SPATA13: variants seen among roughly 807,000 people sequenced by gnomAD.
SPATA13 encodes spermatogenesis associated 13.
Under a neutral mutation model 104.0 loss-of-function variants are expected in SPATA13, and 50 were observed. The observed-to-expected ratio is 0.48, with a 90% CI of 0.38 to 0.61. The LOEUF (loss-of-function observed/expected upper bound fraction) is 0.61. SPATA13 is among the 20% of genes least tolerant of loss of function. SPATA13 has a pLI of 0.00. For synonymous variants in SPATA13, 606 were observed against 667.5 expected, an observed-to-expected ratio of 0.91 and a Z score of 1.42; for missense variants, 1,524 against 1,690.6, an observed-to-expected ratio of 0.90 and a Z score of 1.73.
At chr13:24,281,009 C>T (rs758414757) in intron 4 of SPATA13, among the ~76,000 whole-genome samples, 38 of 152,202 alleles carry the variant, frequency 2.5e-4, no homozygotes, top group Non-Finnish European at 4.3e-4. Flanking sequence ...ACACCCCCAG[C>T]CAGACAGACA....
chr13:24,222,945 G>A lies in SPATA13; in HGVS notation c.16G>A (p.Val6Met), dbSNP rs896391576. MTQAA[V>M]RPWAPCLENM... is the part of the protein sequence containing the mutation. ...GCCCGTGGCCATGACCCAGGCTGCC[G>A]TGCGGCCCTGGGCACCCTGCCTGGA... Residue 6 changes from valine (V) to methionine (M), a missense_variant, in exon 2 of 13, where the codon GTG (valine) becomes ATG (methionine). Transcript: ENST00000382108. The A allele has an allele frequency of 5.8e-6, 9 of 1,551,010 alleles. No individual in the cohort carries two copies. Among genetic ancestry groups the A allele is most frequent in the African/African-American group, 4.1e-5 (3 of 73,060 alleles).
rs1003998916 is a variant in SPATA13, at chr13:24,037,258, C to T, written c.-112+19557C>T. Among the ~76,000 whole-genome samples, 9 of 149,810 alleles carry T rather than the reference C, an allele frequency of 6.0e-5. No homozygotes were observed. The East Asian group carries it at 1.4e-3, about 23-fold the overall frequency. ...TAGGAGATATACCTAATGTAAATGA[C>T]GAGTTAATGGGTGCAGCACACCAAC... On this transcript the variant is annotated intron_variant, in intron 3 of 14. Transcript: ENST00000424834.
chr13:24,290,581 G>A, intron 8 of SPATA13, 71 bp from the exon 9 acceptor site: 1 of 1,149,076 alleles, frequency 8.7e-7, no homozygotes, highest in Non-Finnish European at 1.3e-6. Flanking sequence ...GAGAGGGCTG[G>A]GATGATGCCT....
At chr13:24,247,911 C>T (rs1395907745) in intron 2 of SPATA13, among the ~76,000 whole-genome samples, 1 of 151,774 alleles carries the variant, frequency 6.6e-6, no homozygotes, top group Non-Finnish European at 1.5e-5. Flanking sequence ...CTACCAGCCA[C>T]CATTTTGGTT....
intron 2 of SPATA13, among the ~76,000 whole-genome samples, chr13:23,986,648 T>C (rs1875159629): frequency 6.6e-6 from 1 of 152,202 alleles, no homozygotes; most frequent in Admixed American, 6.6e-5. Flanking sequence ...TTTAGAGGTG[T>C]GGATTTCTCA....
chr13:24,246,501 G>A (rs1873138932), intron 2 of SPATA13, among the ~76,000 whole-genome samples: 1 of 152,136 alleles, frequency 6.6e-6, no homozygotes, highest in East Asian at 1.9e-4. Flanking sequence ...CAAAAGAAAA[G>A]ACATGTTTAT....
intron 1 of SPATA13, among the ~76,000 whole-genome samples, chr13:24,214,854 T>A (rs893641213): frequency 1.3e-5 from 2 of 152,234 alleles, no homozygotes; most frequent in African/African-American, 4.8e-5. Context: ...TAGTGATTCT[T>A]TAGTTTTCCT....
At chr13:24,292,735 C>T (rs953444635) in intron 9 of SPATA13, among the ~76,000 whole-genome samples, 3 of 152,082 alleles carry the variant, frequency 2.0e-5, no homozygotes, top group East Asian at 1.9e-4. Flanking sequence ...CCATGGCTCA[C>T]GTCTGTAATC....
At chr13:24,092,884 G>A (rs1303339179) in intron 3 of SPATA13, among the ~76,000 whole-genome samples, 1 of 152,212 alleles carries the variant, frequency 6.6e-6, no homozygotes, top group African/African-American at 2.4e-5. Flanking sequence ...GATTGCCCGA[G>A]TAAGCCTGAA....
chr13:24,095,784 T>C (rs1240624322), intron 3 of SPATA13, among the ~76,000 whole-genome samples: 1 of 152,192 alleles, frequency 6.6e-6, no homozygotes, highest in Non-Finnish European at 1.5e-5. Flanking sequence ...CAAACAAGTG[T>C]TGCAATCCCA....
chr13:24,135,681 G>C (rs1385988718), intron 3 of SPATA13, among the ~76,000 whole-genome samples: 1 of 119,746 alleles, frequency 8.4e-6, no homozygotes, highest in South Asian at 2.9e-4. Context: ...CTGGGCGACA[G>C]AGCAAGAATC....
intron 2 of SPATA13, chr13:24,224,822 C>T (rs1166923653): frequency 1.7e-6 from 1 of 589,320 alleles, no homozygotes. Flanking sequence ...ACATTTGCCA[C>T]ACCTTTCATT....
chr13:24,222,923 C>T lies in SPATA13; in HGVS notation c.-7C>T, dbSNP rs1008405408. The T allele has an allele frequency of 2.3e-5, 35 of 1,550,652 alleles. No individual in the cohort carries two copies. Among genetic ancestry groups the T allele is most frequent in the Non-Finnish European group, 3.0e-5 (34 of 1,146,528 alleles). On this transcript the variant is annotated 5_prime_UTR_variant, in exon 2 of 13. Coordinates refer to ENST00000382108, the MANE Select transcript of SPATA13 (RefSeq NM_001166271.3). ...TGCGGTCTGCGGACTCGGCAGTGCC[C>T]GTGGCCATGACCCAGGCTGCCGTGC...
At chr13:24,037,355 T>TA (rs1387523029) in intron 3 of SPATA13, among the ~76,000 whole-genome samples, 130 of 151,150 alleles carry the variant, frequency 8.6e-4, no homozygotes, top group Non-Finnish European at 1.5e-3. Context: ...AGTATAATTT[T>TA]AAAAAAATTA....
In SPATA13 at chr13:24,182,856, T is replaced by C. The variant is rs149633703; in HGVS notation, c.-112+21924T>C. On this transcript the variant is annotated intron_variant, in intron 1 of 12. Coordinates refer to ENST00000382108, the MANE Select transcript of SPATA13 (RefSeq NM_001166271.3). ...AACTCAGCATGTTGCGCCACATCAG[T>C]CGGGCCAGGTAAACAAAGCTAGTCC... Among the ~76,000 whole-genome samples, 18 of 152,278 alleles carry C rather than the reference T, an allele frequency of 1.2e-4. 1 individual carries two copies. Among genetic ancestry groups the C allele is most frequent in the Admixed American group, 3.3e-4 (5 of 15,294 alleles).
chr13:24,266,458 T>A (rs1335684314), intron 4 of SPATA13, among the ~76,000 whole-genome samples: 1 of 152,066 alleles, frequency 6.6e-6, no homozygotes, highest in African/African-American at 2.4e-5. Flanking sequence ...CTAATTTTTT[T>A]ATTTTTTGTA....
intron 1 of SPATA13, among the ~76,000 whole-genome samples, chr13:24,219,121 A>G (rs371984378): frequency 3.3e-5 from 5 of 151,910 alleles, no homozygotes; most frequent in Non-Finnish European, 5.9e-5. Flanking sequence ...TTCTCTTCCT[A>G]TCTCTGGCAG....
intron 1 of SPATA13, chr13:24,162,269 T>C (rs1360993765): frequency 1.3e-5 from 2 of 153,768 alleles, no homozygotes; most frequent in African/African-American, 4.8e-5. Context: ...TCCCCATGTT[T>C]CTCCCACAGG....
intron 1 of SPATA13, among the ~76,000 whole-genome samples, chr13:24,219,619 T>TTATAATG (rs1871458144): frequency 6.6e-6 from 1 of 152,232 alleles, no homozygotes; most frequent in African/African-American, 2.4e-5. Context: ...AAGGCAGCCA[T>TTATAATG]ATAAAGCTAT....
Sources: allele counts gnomAD v4.1 joint callset (sites outside exome capture counted in the v4.1 genomes callset), GRCh38; gene constraint gnomAD v4.1.1; transcripts MANE v1.5; gene names NCBI Gene and HGNC (gene_info 2026-07-23, HGNC 2026-07-21).